The following MAN1A2 variants were observed in gnomAD, a reference collection of about 807,000 sequenced individuals.
MAN1A2 encodes mannosidase alpha class 1A member 2.
Under a neutral mutation model 75.7 loss-of-function variants are expected in MAN1A2, and 26 were observed. The observed-to-expected ratio is 0.34, with a 90% confidence interval of 0.25 to 0.48. The LOEUF is 0.48. MAN1A2 is among the 20% of genes least tolerant of loss of function. MAN1A2 has a pLI of 0.99. For synonymous variants in MAN1A2, 247 were observed against 264.6 expected, an observed-to-expected ratio of 0.93 and a Z score of 0.65; for missense variants, 562 against 775.5, an observed-to-expected ratio of 0.72 and a Z score of 3.27.
chr1:117,499,521 A>C lies in MAN1A2; in HGVS notation c.1644A>C (p.Pro548=). 1.2e-6 allele frequency: 2 copies of C among 1,607,518 alleles called. No individual in the cohort carries two copies. The highest frequency in any genetic ancestry group is 1.7e-6 in the Non-Finnish European group (2 of 1,176,810). Residue 548 remains proline (P), a synonymous_variant, in exon 11 of 13, where the codon CCA becomes CCC. Transcript: ENST00000356554. ...YWYLWRFTHD[P]RYRQWGWEAA... is the part of the protein sequence containing the mutation. ...ACCTATGGCGATTCACTCACGATCC[A>C]AGATACAGGCAGTGGGGCTGGGAAG...
rs150381997 is a variant in MAN1A2, at chr1:117,489,252, G to T, written c.1169-3895G>T. ...TATATTTCTGCAAATATTGTTATAGGATAATTCCAGAAGTACAATTCCTAG... is the reference window on the plus strand; with the variant it reads ...TATATTTCTGCAAATATTGTTATAGTATAATTCCAGAAGTACAATTCCTAG... On this transcript the variant is annotated intron_variant, in intron 8 of 12. Transcript: ENST00000356554. Among the ~76,000 whole-genome samples, 1,186 of 151,962 alleles carry T rather than the reference G, an allele frequency of 7.8e-3. 7 individuals are homozygous for T. The highest frequency in any genetic ancestry group is 0.027 in the African/African-American group (1,130 of 41,466).
chr1:117,385,371 C>G lies in MAN1A2; in HGVS notation c.303-16815C>G, dbSNP rs551992079. ...TATAGGTGAGTTCCTTGCTAAGTTC[C>G]AGGTCTCTTCCTAGATTCCTGACAG... On this transcript the variant is annotated intron_variant, in intron 1 of 12. Coordinates refer to ENST00000356554, the MANE Select transcript of MAN1A2 (RefSeq NM_006699.5). Among the ~76,000 whole-genome samples the G allele has an allele frequency of 9.2e-5, 14 of 152,242 alleles. No individual in the cohort carries two copies. In the East Asian group the frequency reaches 2.5e-3, roughly 27 times the overall value.
At chr1:117,370,976 T>C (rs192170319) in intron 1 of MAN1A2, among the ~76,000 whole-genome samples, 1 of 152,300 alleles carries the variant, frequency 6.6e-6, no homozygotes, top group African/African-American at 2.4e-5. Flanking sequence ...TGATTAGATT[T>C]ATGATACTGA....
In MAN1A2 at chr1:117,524,260, A is replaced by G. The variant is rs189960206; in HGVS notation, c.*1303A>G. The G allele has an allele frequency of 1.1e-4, 17 of 152,352 alleles. No homozygotes were observed. The highest frequency in any genetic ancestry group is 3.9e-4 in the African/African-American group (16 of 41,524). The allele number at this position is 152,352 out of a possible 1,614,324, so 9.4% of individuals were successfully genotyped here. ...TTATCTTACTATCAGTAGGTTTTGC[A>G]TTGATATTTCTTTTTAAATAAACTA... On this transcript the variant is annotated 3_prime_UTR_variant, in exon 13 of 13. Coordinates refer to ENST00000356554, the MANE Select transcript of MAN1A2 (RefSeq NM_006699.5).
At chr1:117,518,833 G>T (rs1200132940) in intron 12 of MAN1A2, among the ~76,000 whole-genome samples, 1 of 151,930 alleles carries the variant, frequency 6.6e-6, no homozygotes, top group Non-Finnish European at 1.5e-5. Context: ...TGGAACAAAT[G>T]GACTTAACAG....
intron 8 of MAN1A2, among the ~76,000 whole-genome samples, chr1:117,491,930 C>T (rs1053652082): frequency 3.9e-5 from 6 of 152,068 alleles, no homozygotes; most frequent in Non-Finnish European, 1.5e-5. Flanking sequence ...GACTGAGTTA[C>T]TGCAGTCTTA....
In MAN1A2 at chr1:117,496,916, G is replaced by A. The variant is rs1420296441; in HGVS notation, c.1438G>A (p.Ala480Thr). 2.5e-6 allele frequency: 4 copies of A among 1,612,594 alleles called. No homozygotes were observed. The South Asian group carries it at 4.4e-5, about 18-fold the overall frequency. The change falls in exon 10 of 13, where the codon GCT becomes ACT. Residue 480 changes from alanine to threonine, a missense_variant. Transcript: ENST00000356554. ...AGCAGATGGTTCCAGAGCAGATAAA[G>A]CTGGTCATTATTTAGAGCTAGGGGC... ...LGADGSRADKAGHYLELGAEI... is the reference protein window; with the variant it reads ...LGADGSRADKTGHYLELGAEI...
intron 8 of MAN1A2, among the ~76,000 whole-genome samples, chr1:117,478,434 A>G (rs887373201): frequency 2.6e-5 from 4 of 151,820 alleles, no homozygotes; most frequent in Admixed American, 6.6e-5. Context: ...CATTTTTCCA[A>G]TTTGCTTTTT....
At chr1:117,475,135 C>G (rs1225061577) in intron 8 of MAN1A2, among the ~76,000 whole-genome samples, 1 of 151,840 alleles carries the variant, frequency 6.6e-6, no homozygotes, top group African/African-American at 2.4e-5. Context: ...GCTATGAACA[C>G]TGACTTACAC....
At chr1:117,368,605 T>C (rs1212109214) in intron 1 of MAN1A2, 120 bp downstream of exon 1, 2 of 888,150 alleles carry the variant, frequency 2.3e-6, no homozygotes, top group East Asian at 5.0e-5. Context: ...ATAAATATTG[T>C]ATTGTTACTT....
chr1:117,458,490 TATATATCTATATATATATATAG>T (rs1649675616), intron 6 of MAN1A2, among the ~76,000 whole-genome samples: 1 of 69,714 alleles, frequency 1.4e-5, no homozygotes. Flanking sequence ...GAGAAATATA[TATATATCTATATATATATATAG>T]ATATATATAT....
chr1:117,451,954 C>G (rs1224942807), intron 6 of MAN1A2, among the ~76,000 whole-genome samples: 2 of 152,020 alleles, frequency 1.3e-5, no homozygotes, highest in African/African-American at 2.4e-5. Context: ...TGCCACTGCA[C>G]TCCAGCCTGG....
intron 7 of MAN1A2, among the ~76,000 whole-genome samples, chr1:117,465,550 A>G (rs766614786): frequency 2.5e-4 from 38 of 152,184 alleles, no homozygotes; most frequent in Non-Finnish European, 5.0e-4. Flanking sequence ...AGTGAAGTAT[A>G]TATCAGGTCC....
In MAN1A2 at chr1:117,527,739, A is replaced by C. The variant is rs12124341; in HGVS notation, c.*4782A>C. ...AAGTTCTCCTGCTCATTGACCCTTG[A>C]ACCAGGATTCTGGATTGCTAGAGCT... On this transcript the variant is annotated 3_prime_UTR_variant, in exon 13 of 13. Coordinates refer to ENST00000356554, the MANE Select transcript of MAN1A2 (RefSeq NM_006699.5). The C allele has an allele frequency of 6.6e-6, 1 of 151,948 alleles. No individual in the cohort carries two copies. The highest frequency in any genetic ancestry group is 1.5e-5 in the Non-Finnish European group (1 of 67,946). 9.4% of individuals were successfully genotyped at this position (151,948 alleles called of 1,614,324 possible). A position where few individuals can be genotyped will look rare whatever the true frequency, so the allele number is the denominator to read the frequency against.
intron 12 of MAN1A2, among the ~76,000 whole-genome samples, chr1:117,512,451 C>T (rs1322996231): frequency 6.6e-6 from 1 of 151,962 alleles, no homozygotes; most frequent in Non-Finnish European, 1.5e-5. Context: ...TAAGAATTTG[C>T]GTTTTTAACA....
intron 5 of MAN1A2, among the ~76,000 whole-genome samples, chr1:117,441,245 T>G (rs1649021102): frequency 6.6e-6 from 1 of 152,176 alleles, no homozygotes; most frequent in Admixed American, 6.5e-5. Flanking sequence ...CTCTAATATT[T>G]TCTATCCCCA....
intron 1 of MAN1A2, among the ~76,000 whole-genome samples, chr1:117,397,824 G>A (rs1025260964): frequency 1.3e-5 from 2 of 151,626 alleles, no homozygotes; most frequent in East Asian, 1.9e-4. Context: ...GCTAATTTTT[G>A]TATGTTTAGT....
At chr1:117,483,599 G>T (rs1016645748) in intron 8 of MAN1A2, among the ~76,000 whole-genome samples, 2 of 152,086 alleles carry the variant, frequency 1.3e-5, no homozygotes, top group Non-Finnish European at 2.9e-5. Flanking sequence ...TGTATCCTGA[G>T]ACTTTGCTGA....
intron 8 of MAN1A2, among the ~76,000 whole-genome samples, chr1:117,473,912 G>A (rs551027804): frequency 6.6e-6 from 1 of 152,002 alleles, no homozygotes; most frequent in Non-Finnish European, 1.5e-5. Flanking sequence ...GGGGACTTAA[G>A]ACAAATAACA....
Sources: allele counts gnomAD v4.1 joint callset (sites outside exome capture counted in the v4.1 genomes callset), GRCh38; gene constraint gnomAD v4.1.1; transcripts MANE v1.5; gene names NCBI Gene and HGNC (gene_info 2026-07-23, HGNC 2026-07-21).